Variants in NAT10 observed in about 807,000 individuals in gnomAD.
The protein encoded by NAT10 is N-acetyltransferase 10, also known as RNA cytidine acetyltransferase.
Under a neutral mutation model 132.2 loss-of-function variants are expected in NAT10, and 109 were observed. That is an observed-to-expected ratio of 0.82 (90% confidence interval 0.71 to 0.97). The LOEUF is 0.97. Ranked by LOEUF, NAT10 falls within the 50% of genes least tolerant of loss-of-function variation. The probability of loss-of-function intolerance (pLI) is 0.00; values close to 1 mark genes in which losing one functional copy is unlikely to be tolerated. For synonymous variants in NAT10, 479 were observed against 478.0 expected, an observed-to-expected ratio of 1.00 and a Z score of -0.03; for missense variants, 1,184 against 1,263.4, an observed-to-expected ratio of 0.94 and a Z score of 0.95.
At chr11:34,127,694 T>A in intron 12 of NAT10, 95 bp downstream of exon 12, 1 of 1,446,784 alleles carries the variant, frequency 6.9e-7, no homozygotes, top group Non-Finnish European at 9.3e-7. Flanking sequence ...GACAGCCAAG[T>A]CTGATTCTCA....
intron 13 of NAT10, 132 bp downstream of exon 13, chr11:34,131,069 AGAG>A (rs1402035440): frequency 1.8e-5 from 25 of 1,378,156 alleles, no homozygotes; most frequent in East Asian, 2.4e-5. Flanking sequence ...TGAGTCCCCA[AGAG>A]GAGAAGTAGC....
chr11:34,109,488 T>G (rs1375866738), intron 3 of NAT10, among the ~76,000 whole-genome samples: 1 of 152,234 alleles, frequency 6.6e-6, no homozygotes, highest in Non-Finnish European at 1.5e-5. Flanking sequence ...GTGATCAAAT[T>G]GTGCAGTTAG....
In NAT10 at chr11:34,136,983, G is replaced by T; in HGVS notation, c.2168G>T (p.Trp723Leu). The change falls in exon 21 of 29, where the codon TGG becomes TTG. Residue 723 changes from tryptophan (W) to leucine (L), a missense_variant. Trp to Leu is a moderately conservative substitution (Grantham distance 61). Transcript: ENST00000257829. The stretch of plus-strand genomic sequence containing the variant: ...CTGTCTTTGTATCTTTGCAGGTTCT[G>T]GAAACGAGCTGGATTTGTTCCTGTT... ...YGLTPRLLKFWKRAGFVPVYL... is the reference protein window; with the variant it reads ...YGLTPRLLKFLKRAGFVPVYL... The T allele has an allele frequency of 1.2e-6, 2 of 1,614,198 alleles. No individual in the cohort carries two copies. Among genetic ancestry groups the T allele is most frequent in the Non-Finnish European group, 1.7e-6 (2 of 1,180,040 alleles).
chr11:34,141,001 G>T, intron 24 of NAT10, 88 bp from the exon 25 acceptor site: 2 of 1,565,750 alleles, frequency 1.3e-6, no homozygotes, highest in South Asian at 1.1e-5. Flanking sequence ...CAATAGCTTT[G>T]GTCAAGAGAG....
intron 6 of NAT10, among the ~76,000 whole-genome samples, chr11:34,117,002 A>G (rs1851794473): frequency 1.3e-5 from 2 of 152,164 alleles, no homozygotes; most frequent in Non-Finnish European, 2.9e-5. Flanking sequence ...AAGTGCTGGG[A>G]TTACAGGCGT....
chr11:34,113,151 G>A (rs17778759), intron 4 of NAT10, among the ~76,000 whole-genome samples: 12,528 of 152,196 alleles, frequency 0.082, 526 homozygotes, highest in Non-Finnish European at 0.092. Flanking sequence ...CCTGAATAAT[G>A]ACTCCTGTGA....
rs201610017 is a variant in NAT10, at chr11:34,122,580, C to T, written c.902C>T (p.Ala301Val). ...SAALGLAIAG[A>V]VAFGYSNIFV... ...GCCCTGGGATTGGCGATTGCTGGGG[C>T]GGTGGCATTTGGGTAAGGGGATTCA... Residue 301 changes from alanine to valine, a missense_variant, in exon 9 of 29, where the codon GCG becomes GTG. By Grantham distance (64) the Ala-to-Val change is moderately conservative. Transcript: ENST00000257829. The T allele has an allele frequency of 1.7e-5, 28 of 1,614,044 alleles. No homozygotes were observed. Among genetic ancestry groups the T allele is most frequent in the South Asian group, 7.7e-5 (7 of 91,042 alleles).
chr11:34,145,084 G>C (rs1448954475), intron 28 of NAT10, among the ~76,000 whole-genome samples: 1 of 152,202 alleles, frequency 6.6e-6, no homozygotes, highest in African/African-American at 2.4e-5. Context: ...GTAGCACAGG[G>C]CCCATGATGG....
chr11:34,138,348 GGGGAGTCCATC>G (rs1479338868), intron 21 of NAT10, among the ~76,000 whole-genome samples: 1 of 152,168 alleles, frequency 6.6e-6, no homozygotes, highest in Non-Finnish European at 1.5e-5. Context: ...TCCCAGATGA[GGGGAGTCCATC>G]GGCTGAGAGG....
At chr11:34,143,915 A>G (rs1476960308) in intron 28 of NAT10, among the ~76,000 whole-genome samples, 1 of 152,226 alleles carries the variant, frequency 6.6e-6, no homozygotes, top group Admixed American at 6.5e-5. Context: ...TGAAGTAACA[A>G]GGCTCTCAGG....
chr11:34,139,295 A>G lies in NAT10; in HGVS notation c.2308+8A>G. 1.2e-6 allele frequency: 2 copies of G among 1,611,924 alleles called. No individual in the cohort carries two copies. The highest frequency in any genetic ancestry group is 2.2e-5 in the East Asian group (1 of 44,838). On this transcript the variant is annotated splice_region_variant and intron_variant, in intron 22 of 28. Coordinates refer to ENST00000257829, the MANE Select transcript of NAT10 (RefSeq NM_024662.3). ...TTGCAGCCTTCTGGAAAGGTGACTG[A>G]GGAGTAGGGGTTTGGGGGAGACAAT...
At position 34,118,390 on chromosome 11, in the gene NAT10, T is replaced by C; in HGVS notation, c.673-6T>C. Reference sequence around the variant, plus strand: ...ACAGACCTTCCCCTTCTCCTCTCTCTGGTAGGATGAGAGTCTTGGTCCTTC... The same window carrying C: ...ACAGACCTTCCCCTTCTCCTCTCTCCGGTAGGATGAGAGTCTTGGTCCTTC... On this transcript the variant is annotated splice_region_variant and splice_polypyrimidine_tract_variant and intron_variant, in intron 7 of 28. Transcript: ENST00000257829. 1 of 1,613,498 alleles carries C rather than the reference T, an allele frequency of 6.2e-7. No homozygotes were observed. Among genetic ancestry groups the C allele is most frequent in the Non-Finnish European group, 8.5e-7 (1 of 1,179,452 alleles).
chr11:34,114,603 A>T (rs1262621060), intron 5 of NAT10, among the ~76,000 whole-genome samples: 2 of 152,000 alleles, frequency 1.3e-5, no homozygotes, highest in Non-Finnish European at 1.5e-5. Context: ...TGCCCAGCAC[A>T]CACTCCTGCG....
rs1852103263 is a variant in NAT10 at position 34,131,434 on chromosome 11, G to A, written c.1423G>A (p.Asp475Asn). 1 of 1,614,050 alleles carries A rather than the reference G, an allele frequency of 6.2e-7. No individual in the cohort carries two copies. Among genetic ancestry groups the A allele is most frequent in the Non-Finnish European group, 8.5e-7 (1 of 1,180,046 alleles). The change falls in exon 14 of 29, where the codon GAT (aspartate) becomes AAT (asparagine). Residue 475 changes from aspartate (D) to asparagine (N), a missense_variant. Coordinates refer to ENST00000257829, the MANE Select transcript of NAT10 (RefSeq NM_024662.3). ...LQESIRYAPG[D>N]AVEKWLNDLL... ...GGAGTCAATCCGATACGCCCCTGGG[G>A]ATGCAGTGGAGAAGTGGCTGAATGA...
chr11:34,123,945 G>A (rs542827138), intron 10 of NAT10, 90 bp downstream of exon 10: 35 of 999,978 alleles, frequency 3.5e-5, no homozygotes, highest in South Asian at 9.3e-5. Flanking sequence ...CGACGCGGGC[G>A]GATCACCTGA....
intron 25 of NAT10, 67 bp from the exon 26 acceptor site, chr11:34,141,651 TG>T: frequency 1.4e-6 from 2 of 1,399,846 alleles, no homozygotes; most frequent in Non-Finnish European, 2.0e-6. Flanking sequence ...ACCAAGTGTC[TG>T]GGTCACGGGT....
chr11:34,127,690 C>G lies in NAT10; in HGVS notation c.1244+91C>G, dbSNP rs981810754. 3.3e-5 allele frequency: 48 copies of G among 1,454,870 alleles called. No homozygotes were observed. The Middle Eastern group carries it at 1.0e-3, about 30-fold the overall frequency. The allele number at this position is 1,454,870 out of a possible 1,614,324, so 90.1% of individuals were successfully genotyped here. A position where few individuals can be genotyped will look rare whatever the true frequency, so the allele number is the denominator to read the frequency against. ...TGGATGTGGCCTGGGCCTGGACAGC[C>G]AAGTCTGATTCTCAGAGTCTCTGAG... On this transcript the variant is annotated intron_variant, in intron 12 of 28. Transcript: ENST00000257829.
At chr11:34,131,685 TC>T (rs369312800) in intron 14 of NAT10, among the ~76,000 whole-genome samples, 154 bp downstream of exon 14, 2,540 of 148,374 alleles carry the variant, frequency 0.017, 43 homozygotes, top group African/African-American at 0.046. Flanking sequence ...TTTTTTTTTT[TC>T]TTTCTTTTTT....
chr11:34,123,897 T>C (rs1851939012), intron 10 of NAT10, 42 bp downstream of exon 10: 1 of 1,492,404 alleles, frequency 6.7e-7, no homozygotes, highest in South Asian at 1.1e-5. Flanking sequence ...GGACCTGGTG[T>C]GGTGGCTCAC....
Sources: gnomAD v4.1 joint callset for allele counts (sites outside exome capture counted in the v4.1 genomes callset) on GRCh38, gnomAD v4.1.1 for gene constraint, MANE v1.5 for transcripts, NCBI Gene and HGNC (gene_info 2026-07-23, HGNC 2026-07-21) for gene names.